Variants in ASB3 observed in about 807,000 individuals in gnomAD.
ASB3 encodes ankyrin repeat and SOCS box containing 3.
In ASB3, 41 loss-of-function variants were observed where a neutral mutation model predicts 54.5. The ratio of observed to expected loss-of-function variants is 0.75; its 90% CI spans 0.59 to 0.98. The LOEUF (loss-of-function observed/expected upper bound fraction) is 0.98. Ranked by LOEUF, ASB3 falls within the 50% of genes least tolerant of loss-of-function variation. The pLI is 0.00. For synonymous variants in ASB3, 266 were observed against 221.2 expected, an observed-to-expected ratio of 1.20 and a Z score of -1.80; for missense variants, 733 against 620.0, an observed-to-expected ratio of 1.18 and a Z score of -1.94.
Position 53,767,998 on chromosome 2 carries a change from G to A in ASB3, c.-13-2413C>T, listed in dbSNP as rs757563109. On this transcript the variant is annotated intron_variant, in intron 1 of 9. Transcript: ENST00000263634. The stretch of plus-strand genomic sequence containing the variant: ...CAGGCGCTTCTGGCAGGGCAGCACG[G>A]ACCACCGCGGGGTCCCCGGCAAGGT... 9 of 1,611,332 alleles carry A rather than the reference G, an allele frequency of 5.6e-6. No individual in the cohort carries two copies. In the South Asian group the frequency reaches 9.9e-5, roughly 18 times the overall value.
chr2:53,758,892 G>C (rs765188841), intron 2 of ASB3, among the ~76,000 whole-genome samples: 1 of 152,198 alleles, frequency 6.6e-6, no homozygotes, highest in Non-Finnish European at 1.5e-5. Context: ...TCGGCCCAGA[G>C]TGTATGTACC....
chr2:53,709,807 G>C (rs893523213), intron 7 of ASB3, among the ~76,000 whole-genome samples: 2 of 152,110 alleles, frequency 1.3e-5, no homozygotes, highest in African/African-American at 2.4e-5. Context: ...TATTGAATCA[G>C]GGCTTGTGTA....
At chr2:53,718,323 C>T (rs780825459) in intron 5 of ASB3, among the ~76,000 whole-genome samples, 3 of 152,116 alleles carry the variant, frequency 2.0e-5, no homozygotes, top group African/African-American at 7.2e-5. Flanking sequence ...GACTTCTCAG[C>T]AGAAACCTTA....
intron 3 of ASB3, among the ~76,000 whole-genome samples, chr2:53,744,292 G>A (rs770611479): frequency 2.0e-4 from 30 of 150,374 alleles, no homozygotes; most frequent in Non-Finnish European, 3.5e-4. Context: ...GCTGAGGCAG[G>A]AGAATGGCAT....
At position 53,735,345 on chromosome 2, in the gene ASB3, T is replaced by G. The variant is rs115012175; in HGVS notation, c.356-5775A>C. 9.1e-3 allele frequency among the ~76,000 whole-genome samples: 1,392 copies of G among 152,250 alleles called. 23 individuals carry two copies. Among genetic ancestry groups the G allele is most frequent in the African/African-American group, 0.032 (1,319 of 41,530 alleles). ...GTCCAGAACCAAATTTCCAAATACCTGCCAAGTATTTCCATCCAGACATTC... is the reference window on the plus strand; with the variant it reads ...GTCCAGAACCAAATTTCCAAATACCGGCCAAGTATTTCCATCCAGACATTC... On this transcript the variant is annotated intron_variant, in intron 3 of 9. Transcript: ENST00000263634.
At chr2:53,687,005 C>G (rs995390750) in intron 9 of ASB3, among the ~76,000 whole-genome samples, 1 of 152,182 alleles carries the variant, frequency 6.6e-6, no homozygotes. Flanking sequence ...CAGGCATGAG[C>G]CATGGCGCCT....
intron 9 of ASB3, among the ~76,000 whole-genome samples, chr2:53,685,990 G>A (rs1159827471): frequency 6.6e-6 from 1 of 152,222 alleles, no homozygotes; most frequent in Non-Finnish European, 1.5e-5. Flanking sequence ...CTTAAAAAGG[G>A]TCATGACAGA....
chr2:53,736,680 C>A (rs1671652496), intron 3 of ASB3, among the ~76,000 whole-genome samples: 2 of 144,536 alleles, frequency 1.4e-5, no homozygotes, highest in South Asian at 2.2e-4. Flanking sequence ...GCCTGGGCGA[C>A]AGAGTGAGAT....
intron 3 of ASB3, among the ~76,000 whole-genome samples, chr2:53,736,412 T>C (rs995767110): frequency 6.6e-6 from 1 of 152,030 alleles, no homozygotes; most frequent in Non-Finnish European, 1.5e-5. Context: ...AACCTTAAAA[T>C]TGGAGGCCAG....
intron 5 of ASB3, among the ~76,000 whole-genome samples, chr2:53,723,281 G>C (rs974365791): frequency 6.6e-6 from 1 of 152,128 alleles, no homozygotes; most frequent in African/African-American, 2.4e-5. Flanking sequence ...GCAATCTATA[G>C]ATTCAACACT....
At chr2:53,678,623 G>C (rs1668208574) in intron 9 of ASB3, among the ~76,000 whole-genome samples, 1 of 152,130 alleles carries the variant, frequency 6.6e-6, no homozygotes, top group South Asian at 2.1e-4. Flanking sequence ...CCGACTTTGG[G>C]AAATCCTGAT....
chr2:53,782,477 G>C (rs189172288), intron 1 of ASB3, among the ~76,000 whole-genome samples: 26 of 152,182 alleles, frequency 1.7e-4, no homozygotes, highest in Admixed American at 1.7e-3. Context: ...ACTAAAATCA[G>C]AATTATTATA....
At chr2:53,772,685 C>G (rs1009989493) in intron 1 of ASB3, among the ~76,000 whole-genome samples, 1 of 151,246 alleles carries the variant, frequency 6.6e-6, no homozygotes, top group Non-Finnish European at 1.5e-5. Context: ...ATCAATAGCA[C>G]CTGTGTGTTG....
rs750944749 is a variant in ASB3 at position 53,765,544 on chromosome 2, G to A, written c.29C>T (p.Thr10Met). The A allele has an allele frequency of 2.2e-5, 35 of 1,614,024 alleles. No individual in the cohort carries two copies. In the East Asian group the frequency reaches 3.6e-4, roughly 16 times the overall value. MDFTEAYAD[T>M]CSTVGLAARE... ...GGCAGCAAGTCCAACTGTAGAGCACGTGTCCGCGTAAGCCTCTGTAAAATC... is the reference window on the plus strand; with the variant it reads ...GGCAGCAAGTCCAACTGTAGAGCACATGTCCGCGTAAGCCTCTGTAAAATC... Residue 10 changes from threonine to methionine, a missense_variant, in exon 2 of 10, where the codon ACG (threonine) becomes ATG (methionine). Thr to Met is a moderately conservative substitution (Grantham distance 81). Coordinates refer to ENST00000263634, the MANE Select transcript of ASB3 (RefSeq NM_016115.5).
At chr2:53,767,776 A>T in intron 1 of ASB3, 1 of 1,397,170 alleles carries the variant, frequency 7.2e-7, no homozygotes. Flanking sequence ...CCAAGTGGCC[A>T]TCGCGCCTGC....
intron 2 of ASB3, among the ~76,000 whole-genome samples, chr2:53,752,324 G>C (rs1373970653): frequency 6.6e-6 from 1 of 152,144 alleles, no homozygotes; most frequent in Non-Finnish European, 1.5e-5. Context: ...TAGGCATGTG[G>C]ACACATTGAA....
At chr2:53,764,331 G>C (rs1176243099) in intron 2 of ASB3, among the ~76,000 whole-genome samples, 1 of 151,542 alleles carries the variant, frequency 6.6e-6, no homozygotes, top group African/African-American at 2.4e-5. Flanking sequence ...TGGTATGAGA[G>C]GAAAAAAAAG....
At chr2:53,735,156 G>C (rs1558548420) in intron 3 of ASB3, among the ~76,000 whole-genome samples, 1 of 152,170 alleles carries the variant, frequency 6.6e-6, no homozygotes, top group African/African-American at 2.4e-5. Context: ...CTGACCTCCA[G>C]TGACTAGCCT....
chr2:53,720,689 A>G (rs1011784639), intron 5 of ASB3, among the ~76,000 whole-genome samples: 9 of 152,184 alleles, frequency 5.9e-5, no homozygotes, highest in Non-Finnish European at 1.0e-4. Context: ...GCAGAAAATT[A>G]AAAAACAAAT....
Sources: allele counts gnomAD v4.1 joint callset (sites outside exome capture counted in the v4.1 genomes callset), GRCh38; gene constraint gnomAD v4.1.1; transcripts MANE v1.5; gene names NCBI Gene and HGNC (gene_info 2026-07-23, HGNC 2026-07-21).